VWC2L: variants seen among roughly 807,000 people sequenced by gnomAD.
VWC2L encodes von Willebrand factor C domain-containing protein 2-like.
VWC2L carries 10 observed loss-of-function variants against 21.6 expected under a neutral mutation model. The observed-to-expected ratio is 0.46, with a 90% confidence interval of 0.29 to 0.78. The LOEUF (loss-of-function observed/expected upper bound fraction) is 0.78, where lower values mean the gene tolerates loss of function less well. VWC2L is among the 30% of genes least tolerant of loss of function. VWC2L has a pLI of 0.10. For synonymous variants in VWC2L, 96 were observed against 94.3 expected, an observed-to-expected ratio of 1.02 and a Z score of -0.10; for missense variants, 209 against 277.1, an observed-to-expected ratio of 0.75 and a Z score of 1.74.
At chr2:214,525,459 G>A (rs778841291) in intron 3 of VWC2L, 4 of 152,172 alleles carry the variant, frequency 2.6e-5, no homozygotes, top group African/African-American at 4.8e-5. Context: ...ATAAGTTTGG[G>A]AAATGCTGGA....
intron 3 of VWC2L, among the ~76,000 whole-genome samples, chr2:214,516,812 G>A (rs1240041269): frequency 6.6e-6 from 1 of 152,132 alleles, no homozygotes; most frequent in African/African-American, 2.4e-5. Flanking sequence ...TAGCAACTAT[G>A]AGCCCTGTGA....
chr2:214,418,436 A>G (rs1427039494), intron 2 of VWC2L, among the ~76,000 whole-genome samples: 1 of 152,124 alleles, frequency 6.6e-6, no homozygotes, highest in African/African-American at 2.4e-5. Flanking sequence ...TGCAGAATCT[A>G]AGCTCCTCAC....
At chr2:214,528,361 G>T (rs115847973) in intron 3 of VWC2L, among the ~76,000 whole-genome samples, 1,650 of 152,268 alleles carry the variant, frequency 0.011, 31 homozygotes, top group African/African-American at 0.038. Context: ...CTGACTTGAA[G>T]AGATAAGCCC....
At chr2:214,421,735 T>C (rs1314985035) in intron 2 of VWC2L, among the ~76,000 whole-genome samples, 1 of 151,944 alleles carries the variant, frequency 6.6e-6, no homozygotes, top group East Asian at 1.9e-4. Flanking sequence ...AATGACCTGG[T>C]AGTCTCCCTT....
intron 3 of VWC2L, among the ~76,000 whole-genome samples, chr2:214,524,052 T>C (rs1689286867): frequency 6.6e-6 from 1 of 152,190 alleles, no homozygotes; most frequent in Non-Finnish European, 1.5e-5. Flanking sequence ...TAAATCATTA[T>C]TACAAGAGAA....
chr2:214,412,907 T>C (rs1702299638), intron 1 of VWC2L, among the ~76,000 whole-genome samples: 1 of 152,040 alleles, frequency 6.6e-6, no homozygotes, highest in South Asian at 2.1e-4. Context: ...CCAATAGCAT[T>C]TAAATAAAAA....
At chr2:214,555,277 G>T (rs908443915) in intron 3 of VWC2L, among the ~76,000 whole-genome samples, 19 of 152,102 alleles carry the variant, frequency 1.2e-4, no homozygotes, top group Non-Finnish European at 2.6e-4. Context: ...CTGTGTATTT[G>T]ATGTCTGCTT....
rs541832138 is a variant in VWC2L at position 214,575,939 on chromosome 2, A to C, written c.*119A>C. 7.7e-5 allele frequency: 95 copies of C among 1,226,386 alleles called. No individual in the cohort carries two copies. The African/African-American group carries it at 1.3e-3, about 17-fold the overall frequency. The allele number at this position is 1,226,386 out of a possible 1,614,324, so 76.0% of individuals were successfully genotyped here. A position where few individuals can be genotyped will look rare whatever the true frequency, so the allele number is the denominator to read the frequency against. The stretch of plus-strand genomic sequence containing the variant: ...GCCAGCTACAACAGGGTCACCAGCA[A>C]AACTTTCTAGGGTTGACAAAAGTGA... On this transcript the variant is annotated 3_prime_UTR_variant, in exon 4 of 4. Transcript: ENST00000312504.
chr2:214,505,647 ACC>A (rs1688957272), intron 3 of VWC2L, among the ~76,000 whole-genome samples: 2 of 152,208 alleles, frequency 1.3e-5, no homozygotes, highest in Admixed American at 1.3e-4. Context: ...GCATTGAGTT[ACC>A]ACAGAAAATG....
At chr2:214,478,297 G>A (rs1316485140) in intron 3 of VWC2L, among the ~76,000 whole-genome samples, 2 of 152,044 alleles carry the variant, frequency 1.3e-5, no homozygotes, top group East Asian at 1.9e-4. Flanking sequence ...TGACCAACAC[G>A]GTGAAACCCC....
intron 2 of VWC2L, among the ~76,000 whole-genome samples, chr2:214,415,364 A>G (rs544441946): frequency 6.6e-6 from 1 of 152,296 alleles, no homozygotes; most frequent in East Asian, 1.9e-4. Flanking sequence ...CCCTGAAGGT[A>G]TGAATACATG....
intron 3 of VWC2L, among the ~76,000 whole-genome samples, chr2:214,516,067 C>A (rs1689136743): frequency 6.6e-6 from 1 of 152,128 alleles, no homozygotes; most frequent in Non-Finnish European, 1.5e-5. Context: ...AGCCAGTTGG[C>A]ACAGACTCTT....
intron 3 of VWC2L, among the ~76,000 whole-genome samples, chr2:214,501,514 G>T (rs12694330): frequency 0.87 from 132,732 of 152,004 alleles, 60,644 homozygotes; most frequent in Non-Finnish European, 1. Context: ...CTGAGGTCAG[G>T]AGCTCGAGAC....
chr2:214,458,493 C>A (rs766724818), intron 3 of VWC2L, among the ~76,000 whole-genome samples: 38 of 151,952 alleles, frequency 2.5e-4, no homozygotes, highest in Non-Finnish European at 4.3e-4. Context: ...TTTGTTCTTG[C>A]TTTTCTTCTT....
chr2:214,481,472 C>T (rs1273039754), intron 3 of VWC2L, among the ~76,000 whole-genome samples: 2 of 152,178 alleles, frequency 1.3e-5, no homozygotes, highest in African/African-American at 4.8e-5. Context: ...TAGGTCTGAG[C>T]TGACAGCTGA....
chr2:214,501,542 T>C (rs1161895795), intron 3 of VWC2L, among the ~76,000 whole-genome samples: 5 of 151,832 alleles, frequency 3.3e-5, no homozygotes, highest in African/African-American at 9.7e-5. Flanking sequence ...GCCAACATGG[T>C]GAAACCCCAT....
chr2:214,527,668 T>TA (rs1236179939), intron 3 of VWC2L, among the ~76,000 whole-genome samples: 1 of 152,122 alleles, frequency 6.6e-6, no homozygotes, highest in Non-Finnish European at 1.5e-5. Flanking sequence ...TAAGAGATGG[T>TA]AAAGGAGATG....
intron 3 of VWC2L, among the ~76,000 whole-genome samples, chr2:214,506,340 C>A (rs927719815): frequency 3.9e-5 from 6 of 152,128 alleles, no homozygotes; most frequent in East Asian, 1.9e-4. Flanking sequence ...AACAATCACA[C>A]ATGAACAATG....
intron 3 of VWC2L, among the ~76,000 whole-genome samples, chr2:214,530,095 A>C (rs1248303997): frequency 6.6e-6 from 1 of 152,214 alleles, no homozygotes; most frequent in East Asian, 1.9e-4. Context: ...AACTTACCAT[A>C]TGAGAAAAAA....
Sources: allele counts gnomAD v4.1 joint callset (sites outside exome capture counted in the v4.1 genomes callset), GRCh38; gene constraint gnomAD v4.1.1; transcripts MANE v1.5; gene names NCBI Gene and HGNC (gene_info 2026-07-23, HGNC 2026-07-21).